The following KHDRBS3 variants were observed in gnomAD, a reference collection of about 807,000 sequenced individuals.
KHDRBS3 encodes KH RNA binding domain containing, signal transduction associated 3.
A neutral mutation model predicts 45.6 loss-of-function variants in KHDRBS3; 23 were observed. The ratio of observed to expected loss-of-function variants is 0.50; its 90% confidence interval spans 0.36 to 0.72. KHDRBS3 has a LOEUF of 0.72. Among genes scored for constraint, KHDRBS3 ranks in the 30% least tolerant of loss-of-function variants. KHDRBS3 has a pLI of 0.00. For missense variants in KHDRBS3, 352 were observed against 424.8 expected (o/e 0.83, Z 1.51); for synonymous variants, 162 against 156.5 (o/e 1.04, Z -0.26).
Position 135,552,055 on chromosome 8 carries a change from G to T in KHDRBS3, c.471+3155G>T, listed in dbSNP as rs554165509. Among the ~76,000 whole-genome samples, 5 of 152,190 alleles carry T rather than the reference G, an allele frequency of 3.3e-5. No individual in the cohort carries two copies. The East Asian group carries it at 9.6e-4, about 29-fold the overall frequency. On this transcript the variant is annotated intron_variant, in intron 4 of 8. Transcript: ENST00000355849. ...GCTGTTCTCCTGTGTATAATCTGTT[G>T]TTTTTCTCTTGCTGCTGTCAAGATT...
chr8:135,602,576 G>GTTT (rs5895318), intron 6 of KHDRBS3, among the ~76,000 whole-genome samples: 1 of 150,186 alleles, frequency 6.7e-6, no homozygotes, highest in Non-Finnish European at 1.5e-5. Context: ...TAATATTTTA[G>GTTT]TTTTTTTTTT....
At chr8:135,655,836 A>G (rs1303444493) in intron 4 of KHDRBS3, among the ~76,000 whole-genome samples, 1 of 152,204 alleles carries the variant, frequency 6.6e-6, no homozygotes, top group Non-Finnish European at 1.5e-5. Flanking sequence ...AGGTAATACA[A>G]TTTAAAATAT....
At chr8:135,571,692 A>G (rs577522057) in intron 5 of KHDRBS3, among the ~76,000 whole-genome samples, 2 of 152,236 alleles carry the variant, frequency 1.3e-5, no homozygotes, top group Admixed American at 1.3e-4. Flanking sequence ...TTAAGGGTGC[A>G]AAGGCTTGGA....
chr8:135,635,922 A>G (rs1171092016), intron 7 of KHDRBS3, among the ~76,000 whole-genome samples: 2 of 152,186 alleles, frequency 1.3e-5, no homozygotes, highest in Admixed American at 1.3e-4. Flanking sequence ...TGATCTCAAC[A>G]GAGATAAGTA....
At chr8:135,634,147 C>T (rs927666699) in intron 7 of KHDRBS3, among the ~76,000 whole-genome samples, 3 of 152,288 alleles carry the variant, frequency 2.0e-5, no homozygotes, top group Non-Finnish European at 4.4e-5. Flanking sequence ...TTTGTTAACT[C>T]TTAATTAAAT....
intron 4 of KHDRBS3, among the ~76,000 whole-genome samples, chr8:135,557,212 A>T (rs946311456): frequency 3.9e-5 from 6 of 152,226 alleles, no homozygotes; most frequent in African/African-American, 1.4e-4. Flanking sequence ...GCCCAGAGAA[A>T]GGTTAGTGGC....
chr8:135,517,935 A>AT (rs897920404), intron 1 of KHDRBS3, among the ~76,000 whole-genome samples: 2 of 152,178 alleles, frequency 1.3e-5, no homozygotes, highest in African/African-American at 2.4e-5. Flanking sequence ...GAAATTAGAT[A>AT]TTTTATATAG....
rs78845832 is a variant in KHDRBS3 at position 135,530,784 on chromosome 8, G to T, written c.207+9429G>T. Among the ~76,000 whole-genome samples, 1,438 of 152,116 alleles carry T rather than the reference G, an allele frequency of 9.5e-3. 25 individuals carry two copies. Among genetic ancestry groups the T allele is most frequent in the African/African-American group, 0.033 (1,361 of 41,514 alleles). On this transcript the variant is annotated intron_variant, in intron 2 of 8. Transcript: ENST00000355849. ...ATACCAGGACATAATTTTTGTCTAC[G>T]CACTTCTCTCTCATTGACCTGCTTG...
chr8:135,570,104 G>A (rs1002363304), intron 5 of KHDRBS3, among the ~76,000 whole-genome samples: 1 of 152,122 alleles, frequency 6.6e-6, no homozygotes. Flanking sequence ...CTAGAAGGCA[G>A]AATGCACTTA....
At chr8:135,476,513 C>G (rs1315477211) in intron 1 of KHDRBS3, among the ~76,000 whole-genome samples, 1 of 152,150 alleles carries the variant, frequency 6.6e-6, no homozygotes, top group Admixed American at 6.5e-5. Context: ...CAAACACTGT[C>G]TTCTCATCTT....
chr8:135,498,388 T>A (rs1823567910), intron 1 of KHDRBS3, among the ~76,000 whole-genome samples: 1 of 146,766 alleles, frequency 6.8e-6, no homozygotes, highest in Admixed American at 6.8e-5. Flanking sequence ...CACATAATTC[T>A]TGTGTTGAAA....
intron 7 of KHDRBS3, among the ~76,000 whole-genome samples, chr8:135,632,443 G>A (rs1183439288): frequency 6.6e-6 from 1 of 151,944 alleles, no homozygotes; most frequent in African/African-American, 2.4e-5. Flanking sequence ...TGGTCTCACT[G>A]TCTCAGGTTT....
At chr8:135,543,428 A>G (rs925505643) in intron 3 of KHDRBS3, among the ~76,000 whole-genome samples, 1 of 152,142 alleles carries the variant, frequency 6.6e-6, no homozygotes, top group Non-Finnish European at 1.5e-5. Flanking sequence ...TTGTTTTCTC[A>G]TTATTAAAAG....
intron 7 of KHDRBS3, chr8:135,625,405 G>T: frequency 1.3e-6 from 1 of 791,300 alleles, no homozygotes; most frequent in South Asian, 1.5e-5. Flanking sequence ...CATCAACTCA[G>T]CTGCCTCATC....
chr8:135,644,899 A>G (rs984970009), intron 7 of KHDRBS3, among the ~76,000 whole-genome samples, 160 bp from the exon 8 acceptor site: 2 of 151,228 alleles, frequency 1.3e-5, no homozygotes, highest in Non-Finnish European at 2.9e-5. Flanking sequence ...CCCAAAGTTG[A>G]CACTTCTGCT....
chr8:135,590,969 A>C (rs997779479), intron 6 of KHDRBS3, among the ~76,000 whole-genome samples: 1 of 152,202 alleles, frequency 6.6e-6, no homozygotes, highest in African/African-American at 2.4e-5. Context: ...GGGCATTTTA[A>C]ATGTAGTCAT....
At chr8:135,548,724 T>A (rs1826434366) in intron 3 of KHDRBS3, 30 bp from the exon 4 acceptor site, 5 of 1,476,524 alleles carry the variant, frequency 3.4e-6, no homozygotes, top group Middle Eastern at 1.8e-4. Context: ...GACACGTTTT[T>A]AAATGTGATT....
chr8:135,515,517 C>G (rs1475064769), intron 1 of KHDRBS3, among the ~76,000 whole-genome samples: 1 of 151,522 alleles, frequency 6.6e-6, no homozygotes, highest in Non-Finnish European at 1.5e-5. Flanking sequence ...CTGCTCTGTG[C>G]CCAGAGGCTG....
At chr8:135,475,134 GT>G (rs773035992) in intron 1 of KHDRBS3, among the ~76,000 whole-genome samples, 4 of 152,186 alleles carry the variant, frequency 2.6e-5, no homozygotes, top group Non-Finnish European at 5.9e-5. Context: ...AGGCTAGGTG[GT>G]TACTAACTTA....
Sources: allele counts gnomAD v4.1 joint callset (sites outside exome capture counted in the v4.1 genomes callset), GRCh38; gene constraint gnomAD v4.1.1; transcripts MANE v1.5; gene names NCBI Gene and HGNC (gene_info 2026-07-23, HGNC 2026-07-21).